NRG3: variants seen among roughly 807,000 people sequenced by gnomAD.
The protein encoded by NRG3 is neuregulin 3.
Under a neutral mutation model 66.9 loss-of-function variants are expected in NRG3, and 31 were observed. The observed-to-expected ratio is 0.46, with a 90% CI of 0.35 to 0.63. NRG3 has a LOEUF of 0.63. Ranked by LOEUF, NRG3 falls within the 20% of genes least tolerant of loss-of-function variation. The pLI, the probability that NRG3 is intolerant of heterozygous loss-of-function variation, is 0.00. For missense variants in NRG3, 910 were observed against 878.9 expected (o/e 1.04, Z -0.45); for synonymous variants, 393 against 359.4 (o/e 1.09, Z -1.06).
At chr10:82,431,029 T>A (rs1349211954) in intron 2 of NRG3, among the ~76,000 whole-genome samples, 3 of 152,182 alleles carry the variant, frequency 2.0e-5, no homozygotes, top group African/African-American at 7.2e-5. Flanking sequence ...TTAGACCTTT[T>A]CAAAGTTCCT....
chr10:82,032,028 G>A (rs986053880), intron 1 of NRG3, among the ~76,000 whole-genome samples: 8 of 151,994 alleles, frequency 5.3e-5, no homozygotes, highest in African/African-American at 1.7e-4. Flanking sequence ...CTTGTTAGGA[G>A]AAGTAGAAAG....
chr10:82,945,750 G>A (rs1486413946), intron 4 of NRG3, among the ~76,000 whole-genome samples: 1 of 152,024 alleles, frequency 6.6e-6, no homozygotes, highest in South Asian at 2.1e-4. Context: ...CCTCATAAAG[G>A]CCCCACTTCT....
At chr10:82,172,761 C>A (rs371147360) in intron 1 of NRG3, among the ~76,000 whole-genome samples, 2 of 152,034 alleles carry the variant, frequency 1.3e-5, no homozygotes, top group Admixed American at 1.3e-4. Flanking sequence ...CAGAGGTCTG[C>A]GGGGCCTTTC....
chr10:81,905,649 A>C (rs1362874970), intron 1 of NRG3, among the ~76,000 whole-genome samples: 1 of 152,198 alleles, frequency 6.6e-6, no homozygotes, highest in Non-Finnish European at 1.5e-5. Flanking sequence ...TTCCTTCTGG[A>C]AGTTAAGGCC....
At chr10:82,133,320 A>G (rs917130283) in intron 1 of NRG3, among the ~76,000 whole-genome samples, 1 of 152,110 alleles carries the variant, frequency 6.6e-6, no homozygotes, top group Non-Finnish European at 1.5e-5. Context: ...ACATAAACTC[A>G]TGACACAGGG....
chr10:81,976,595 G>T (rs953474968), intron 1 of NRG3, among the ~76,000 whole-genome samples: 1 of 152,086 alleles, frequency 6.6e-6, no homozygotes, highest in Admixed American at 6.6e-5. Context: ...GTTTTTCAAA[G>T]AACGTGACAT....
At chr10:82,353,081 A>G (rs1448866414) in intron 1 of NRG3, among the ~76,000 whole-genome samples, 1 of 152,160 alleles carries the variant, frequency 6.6e-6, no homozygotes, top group Non-Finnish European at 1.5e-5. Flanking sequence ...GATCAAGAGA[A>G]TGGCTACTAG....
chr10:82,576,407 G>T (rs1434694108), intron 2 of NRG3, among the ~76,000 whole-genome samples: 2 of 151,096 alleles, frequency 1.3e-5, no homozygotes, highest in Admixed American at 6.6e-5. Flanking sequence ...TCCCCTCCTA[G>T]ACATCTAATA....
intron 1 of NRG3, among the ~76,000 whole-genome samples, chr10:82,352,066 C>T (rs1414439585): frequency 6.6e-6 from 1 of 152,178 alleles, no homozygotes; most frequent in Non-Finnish European, 1.5e-5. Context: ...TTGAAAATCT[C>T]ATCTACAATA....
intron 3 of NRG3, among the ~76,000 whole-genome samples, chr10:82,830,623 C>T (rs1361859130): frequency 6.6e-6 from 1 of 152,094 alleles, no homozygotes; most frequent in Non-Finnish European, 1.5e-5. Context: ...ATAAAACCCA[C>T]CTGTAGGTAA....
chr10:82,116,001 T>C (rs1024364590), intron 1 of NRG3, among the ~76,000 whole-genome samples: 6 of 152,140 alleles, frequency 3.9e-5, no homozygotes, highest in African/African-American at 1.4e-4. Flanking sequence ...CTAAAGTCAA[T>C]GGGGGTATTT....
intron 2 of NRG3, among the ~76,000 whole-genome samples, chr10:82,541,654 A>G (rs1267377637): frequency 2.0e-5 from 3 of 152,204 alleles, no homozygotes; most frequent in Non-Finnish European, 4.4e-5. Context: ...TACCAGACCC[A>G]GGGAGTGGCT....
intron 4 of NRG3, among the ~76,000 whole-genome samples, chr10:82,944,070 A>G (rs1235291090): frequency 6.6e-6 from 1 of 152,186 alleles, no homozygotes; most frequent in South Asian, 2.1e-4. Context: ...TTCTCGCATA[A>G]TACCCTATGA....
rs375007978 is a variant in NRG3, at chr10:81,928,123, G to C, written c.823+51960G>C. ...TATTGACCTCATAATAAGCTAAACT[G>C]TACTTATTCTCACTTAACCACTTTG... On this transcript the variant is annotated intron_variant, in intron 1 of 8. Transcript: ENST00000372141. Among the ~76,000 whole-genome samples the C allele has an allele frequency of 1.2e-4, 19 of 152,234 alleles. No homozygotes were observed. In the East Asian group the frequency reaches 3.1e-3, roughly 25 times the overall value.
chr10:82,822,386 CA>C (rs1373243743), intron 3 of NRG3, among the ~76,000 whole-genome samples: 1 of 152,040 alleles, frequency 6.6e-6, no homozygotes, highest in Non-Finnish European at 1.5e-5. Context: ...AGCAGCCCAG[CA>C]GGGAGAGAGG....
In NRG3 at chr10:82,493,292, C is replaced by G. The variant is rs111435432; in HGVS notation, c.953+134424C>G. Among the ~76,000 whole-genome samples, 664 of 152,196 alleles carry G rather than the reference C, an allele frequency of 4.4e-3. 5 individuals are homozygous for G. Among genetic ancestry groups the G allele is most frequent in the African/African-American group, 0.015 (641 of 41,524 alleles). ...TGCTCTCCCTACCCTGACCTAACCC[C>G]CTAACAGGCCCCAGTTCGTGTTGTT... On this transcript the variant is annotated intron_variant, in intron 2 of 8. Transcript: ENST00000372141.
At chr10:82,869,703 G>T (rs905187462) in intron 4 of NRG3, among the ~76,000 whole-genome samples, 1 of 151,712 alleles carries the variant, frequency 6.6e-6, no homozygotes, top group African/African-American at 2.4e-5. Flanking sequence ...CGCCTCAGGG[G>T]TTCACGCCAT....
chr10:82,952,776 T>C (rs886082441), intron 5 of NRG3, among the ~76,000 whole-genome samples: 3 of 151,938 alleles, frequency 2.0e-5, no homozygotes, highest in African/African-American at 7.3e-5. Flanking sequence ...TGTCTGCATG[T>C]TATCTGTGTT....
At chr10:82,737,728 T>A (rs1412049061) in intron 2 of NRG3, among the ~76,000 whole-genome samples, 1 of 152,132 alleles carries the variant, frequency 6.6e-6, no homozygotes, top group Non-Finnish European at 1.5e-5. Flanking sequence ...TATTTGTTCC[T>A]GGAATCACTG....
Sources: allele counts gnomAD v4.1 joint callset (sites outside exome capture counted in the v4.1 genomes callset), GRCh38; gene constraint gnomAD v4.1.1; transcripts MANE v1.5; gene names NCBI Gene and HGNC (gene_info 2026-07-23, HGNC 2026-07-21).